Variants in PALM2AKAP2 observed in about 807,000 individuals in gnomAD.
The protein encoded by PALM2AKAP2 is PALM2-AKAP2 fusion protein.
PALM2AKAP2 carries 37 observed loss-of-function variants against 71.5 expected under a neutral mutation model. That is an observed-to-expected ratio of 0.52 (90% CI 0.40 to 0.68). PALM2AKAP2 has a LOEUF of 0.68. Ranked by LOEUF, PALM2AKAP2 falls within the 30% of genes least tolerant of loss-of-function variation. PALM2AKAP2 has a pLI of 0.00. For missense variants in PALM2AKAP2, 1,224 were observed against 1,191.8 expected, an observed-to-expected ratio of 1.03 and a Z score of -0.40; for synonymous variants, 468 against 478.8, an observed-to-expected ratio of 0.98 and a Z score of 0.29.
chr9:110,026,641 C>G (rs75139336), intron 7 of PALM2AKAP2, among the ~76,000 whole-genome samples: 1 of 152,202 alleles, frequency 6.6e-6, no homozygotes, highest in Non-Finnish European at 1.5e-5. Context: ...CCCCCATTCT[C>G]TCCTACTCCA....
upstream of PALM2AKAP2, among the ~76,000 whole-genome samples, chr9:110,044,258 G>A (rs1435055528): frequency 6.6e-6 from 1 of 151,904 alleles, no homozygotes; most frequent in Non-Finnish European, 1.5e-5. Context: ...GAAAGCCCCA[G>A]GGACATAGAG....
chr9:109,827,764 A>G (rs1392838165), intron 1 of PALM2AKAP2, among the ~76,000 whole-genome samples: 4 of 152,134 alleles, frequency 2.6e-5, no homozygotes, highest in Non-Finnish European at 4.4e-5. Context: ...AAAAGGAAAC[A>G]GGATTGTGAG....
At chr9:110,092,734 A>G (rs928562774) in intron 1 of PALM2AKAP2, among the ~76,000 whole-genome samples, 1 of 152,184 alleles carries the variant, frequency 6.6e-6, no homozygotes, top group Non-Finnish European at 1.5e-5. Flanking sequence ...AAACGATGTT[A>G]TCCGCCTCTC....
At position 109,854,093 on chromosome 9, in the gene PALM2AKAP2, G is replaced by A. The variant is rs150774270; in HGVS notation, c.46-13398G>A. ...ATTTAATTACCTTATCCTAAAGTAC[G>A]TCTTTACTAGAAATTTGCTGTCCTC... On this transcript the variant is annotated intron_variant, in intron 1 of 9. Transcript: ENST00000302798. 2.6e-3 allele frequency among the ~76,000 whole-genome samples: 393 copies of A among 152,258 alleles called. 1 individual carries two copies. Among genetic ancestry groups the A allele is most frequent in the African/African-American group, 6.2e-3 (259 of 41,548 alleles).
chr9:109,855,287 G>T (rs1387681422), intron 1 of PALM2AKAP2, among the ~76,000 whole-genome samples: 3 of 151,400 alleles, frequency 2.0e-5, no homozygotes, highest in African/African-American at 7.3e-5. Context: ...TGCCCAGGCT[G>T]GTCTCGAACT....
At chr9:110,169,476 A>G (rs1220615628) in exon 4 of PALM2AKAP2, 1 of 152,218 alleles carries the variant, frequency 6.6e-6, no homozygotes, top group Admixed American at 6.5e-5. Context: ...AAAGGTGTTT[A>G]TAACTATTTT....
At chr9:109,901,311 C>T (rs1037628657) in intron 3 of PALM2AKAP2, among the ~76,000 whole-genome samples, 14 of 152,210 alleles carry the variant, frequency 9.2e-5, no homozygotes, top group South Asian at 6.2e-4. Context: ...CTGTTGTAAA[C>T]AGCTGAGAGG....
At chr9:110,035,320 GTATTATATGTATAATACATATTATATA>G (rs777324889) in intron 7 of PALM2AKAP2, among the ~76,000 whole-genome samples, 6 of 101,090 alleles carry the variant, frequency 5.9e-5, no homozygotes, top group South Asian at 3.0e-4. Flanking sequence ...ACATACATAT[GTATTATATGTATAATACATATTATATA>G]TATTATATGT....
At chr9:110,077,086 A>G (rs182916809) in intron 1 of PALM2AKAP2, among the ~76,000 whole-genome samples, 12 of 152,296 alleles carry the variant, frequency 7.9e-5, no homozygotes, top group Admixed American at 6.5e-4. Context: ...TTTGGAATCA[A>G]TGTTCTCCAT....
chr9:109,722,317 T>C (rs898058418), intron 1 of PALM2AKAP2, among the ~76,000 whole-genome samples: 7 of 152,204 alleles, frequency 4.6e-5, no homozygotes, highest in African/African-American at 1.7e-4. Context: ...CAATTTCTTG[T>C]AATATGCACT....
intron 1 of PALM2AKAP2, among the ~76,000 whole-genome samples, chr9:110,080,841 G>C (rs987340465): frequency 3.3e-5 from 5 of 152,104 alleles, no homozygotes; most frequent in African/African-American, 1.2e-4. Context: ...ACCATGACCA[G>C]CTAATATTTT....
At chr9:110,000,528 A>G (rs1832663750) in intron 6 of PALM2AKAP2, among the ~76,000 whole-genome samples, 1 of 152,216 alleles carries the variant, frequency 6.6e-6, no homozygotes, top group Non-Finnish European at 1.5e-5. Flanking sequence ...GTACATACCC[A>G]ATAATGGGAT....
intron 1 of PALM2AKAP2, among the ~76,000 whole-genome samples, chr9:110,082,513 C>T (rs754065303): frequency 2.6e-5 from 4 of 152,138 alleles, no homozygotes; most frequent in Non-Finnish European, 5.9e-5. Flanking sequence ...ATAATTCTTA[C>T]GTACAATAAA....
intron 1 of PALM2AKAP2, among the ~76,000 whole-genome samples, chr9:109,725,979 A>C (rs903092804): frequency 2.6e-5 from 4 of 152,206 alleles, no homozygotes; most frequent in South Asian, 4.1e-4. Flanking sequence ...GTAGTGCCTC[A>C]TATGCCTGCA....
intron 1 of PALM2AKAP2, among the ~76,000 whole-genome samples, chr9:109,726,354 T>G (rs1587884127): frequency 6.6e-6 from 1 of 152,296 alleles, no homozygotes; most frequent in Admixed American, 6.5e-5. Context: ...GGGCTCCCGG[T>G]GGAGGCAACC....
At chr9:109,942,772 G>C (rs769902253) in intron 6 of PALM2AKAP2, 1 of 1,614,090 alleles carries the variant, frequency 6.2e-7, no homozygotes, top group Non-Finnish European at 8.5e-7. Context: ...TGGCCCAGAG[G>C]GGGTCCATCA....
chr9:109,821,333 AAAC>A (rs529697209), intron 1 of PALM2AKAP2, among the ~76,000 whole-genome samples: 102 of 152,222 alleles, frequency 6.7e-4, no homozygotes, highest in Middle Eastern at 3.4e-3. Flanking sequence ...AATTATAATG[AAAC>A]AACAACAACA....
chr9:109,690,849 T>G (rs1827872452), intron 1 of PALM2AKAP2, among the ~76,000 whole-genome samples: 1 of 152,184 alleles, frequency 6.6e-6, no homozygotes, highest in Non-Finnish European at 1.5e-5. Context: ...TTTTACATGT[T>G]TTTTGTTCTG....
At chr9:110,118,910 T>A (rs1274052489) in intron 1 of PALM2AKAP2, among the ~76,000 whole-genome samples, 1 of 152,262 alleles carries the variant, frequency 6.6e-6, no homozygotes, top group African/African-American at 2.4e-5. Flanking sequence ...TTCATATTCA[T>A]GTTTGTTAAC....
Sources: gnomAD v4.1 joint callset for allele counts (sites outside exome capture counted in the v4.1 genomes callset) on GRCh38, gnomAD v4.1.1 for gene constraint, MANE v1.5 for transcripts, NCBI Gene and HGNC (gene_info 2026-07-23, HGNC 2026-07-21) for gene names.